Variants in SUMF2 observed in about 807,000 individuals in gnomAD.
SUMF2 encodes the protein sulfatase modifying factor 2, also known as inactive C-alpha-formylglycine-generating enzyme 2.
A neutral mutation model predicts 44.8 loss-of-function variants in SUMF2; 45 were observed. The ratio of observed to expected loss-of-function variants is 1.00; its 90% CI spans 0.79 to 1.29. SUMF2 has a LOEUF of 1.29. SUMF2 is among the 50% of genes most tolerant of loss of function. The pLI, the probability that SUMF2 is intolerant of heterozygous loss-of-function variation, is 0.00. For missense variants in SUMF2, 418 were observed against 389.9 expected (o/e 1.07, Z -0.61); for synonymous variants, 148 against 150.4 (o/e 0.98, Z 0.12).
chr7:56,084,691 C>T (rs1005339147), downstream of SUMF2, among the ~76,000 whole-genome samples: 1 of 151,904 alleles, frequency 6.6e-6, no homozygotes, highest in African/African-American at 2.4e-5. Flanking sequence ...CGATTTTTTC[C>T]CAGGAAACAA....
chr7:56,080,980 TC>T, downstream of SUMF2: 1 of 1,561,232 alleles, frequency 6.4e-7, no homozygotes, highest in Non-Finnish European at 8.7e-7. Context: ...TGCACGCATC[TC>T]ACCCCTTTGA....
At chr7:56,082,136 G>A, downstream of SUMF2, 2 of 1,612,846 alleles carry the variant, frequency 1.2e-6, no homozygotes, top group Non-Finnish European at 1.7e-6. Context: ...GCCTAGCTGG[G>A]TGCTCCTCCT....
chr7:56,074,177 G>T lies in SUMF2; in HGVS notation c.343G>T (p.Val115Leu). 1 of 1,614,000 alleles carries T rather than the reference G, an allele frequency of 6.2e-7. No individual in the cohort carries two copies. Among genetic ancestry groups the T allele is most frequent in the East Asian group, 2.2e-5 (1 of 44,868 alleles). Residue 115 changes from valine (V) to leucine (L), a missense_variant, in exon 4 of 9, where the codon GTA becomes TTA. Physicochemically the swap from Val to Leu is conservative, Grantham distance 32. Transcript: ENST00000434526. ...RNKATQPMKS[V>L]LWWLPVEKAF... ...TCGGTCTCCTTCTTTTTCGCAGTCTGTACTCTGGTGGCTTCCAGTGGAAAA... is the reference window on the plus strand; with the variant it reads ...TCGGTCTCCTTCTTTTTCGCAGTCTTTACTCTGGTGGCTTCCAGTGGAAAA...
chr7:56,079,087 T>G, intron 8 of SUMF2: 1 of 527,738 alleles, frequency 1.9e-6, no homozygotes, highest in Admixed American at 3.1e-5. Flanking sequence ...CTGCCTAGGT[T>G]TGTCTCATAC....
the SUMF2 span, chr7:56,087,677 C>A: frequency 1.2e-6 from 2 of 1,613,998 alleles, no homozygotes; most frequent in Non-Finnish European, 1.7e-6. Flanking sequence ...GCACCTCCTC[C>A]GGGCTGAAGC....
intron 2 of SUMF2, 118 bp from the exon 3 acceptor site, chr7:56,072,879 T>C (rs1795270485): frequency 5.9e-6 from 4 of 679,778 alleles, no homozygotes; most frequent in Non-Finnish European, 1.0e-5. Context: ...TTGGCAATCA[T>C]GAACACTCTG....
At chr7:56,072,963 C>CACCAGCTGA in intron 2 of SUMF2, 34 bp from the exon 3 acceptor site, 2 of 1,550,640 alleles carry the variant, frequency 1.3e-6, no homozygotes, top group Non-Finnish European at 1.8e-6. Flanking sequence ...CACAGAACCT[C>CACCAGCTGA]ACCAGCTGAA....
downstream of SUMF2, chr7:56,083,812 A>C: frequency 1.2e-6 from 1 of 824,388 alleles, no homozygotes; most frequent in South Asian, 1.4e-5. Context: ...ATACCTCTAG[A>C]AGCTAAGTGG....
intron 2 of SUMF2, among the ~76,000 whole-genome samples, chr7:56,070,545 AC>A (rs1165270508): frequency 6.6e-6 from 1 of 151,860 alleles, no homozygotes; most frequent in Non-Finnish European, 1.5e-5. Context: ...CAGGAGGATC[AC>A]TTGAGTGTGG....
intron 1 of SUMF2, 102 bp downstream of exon 1, chr7:56,064,480 C>G: frequency 1.4e-6 from 2 of 1,444,054 alleles, no homozygotes; most frequent in South Asian, 1.4e-5. Flanking sequence ...TTCCGGGATG[C>G]GGCTGCAGCG....
At chr7:56,085,804 A>G in the SUMF2 span, among the ~76,000 whole-genome samples, 2 of 152,014 alleles carry the variant, frequency 1.3e-5, no homozygotes, top group South Asian at 4.1e-4. Context: ...GTCTCTACTA[A>G]AACAGTACAC....
rs537269425 is a variant in SUMF2 at position 56,070,300 on chromosome 7, C to G, written c.224+1662C>G. Among the ~76,000 whole-genome samples, 5 of 152,132 alleles carry G rather than the reference C, an allele frequency of 3.3e-5. No homozygotes were observed. In the South Asian group the frequency reaches 1.0e-3, roughly 32 times the overall value. On this transcript the variant is annotated intron_variant, in intron 2 of 8. Transcript: ENST00000434526. ...GAGTTAATAACAATAACACCTGTTA[C>G]ATCTATCTCTGATGGTTGTTGTGAG...
At chr7:56,064,480 CGGCTGCAGCGGCA>C in intron 1 of SUMF2, 102 bp downstream of exon 1, 1 of 1,444,054 alleles carries the variant, frequency 6.9e-7, no homozygotes, top group Non-Finnish European at 9.1e-7. Context: ...TTCCGGGATG[CGGCTGCAGCGGCA>C]GGCTGGGGAG....
downstream of SUMF2, chr7:56,081,873 C>T: frequency 6.2e-7 from 1 of 1,612,818 alleles, no homozygotes; most frequent in Non-Finnish European, 8.5e-7. This position sits in a 1 kb window ranked among gnomAD's most constrained non-coding sequence, Gnocchi z 4.6. Flanking sequence ...GCCCAGGAGC[C>T]AGTTGGCCTG....
At chr7:56,079,336 T>G in intron 8 of SUMF2, 192 bp from the exon 9 acceptor site, 1 of 611,806 alleles carries the variant, frequency 1.6e-6, no homozygotes, top group South Asian at 2.1e-5. Context: ...AGCCCCTTCT[T>G]GTCCCCTTTC....
downstream of SUMF2, chr7:56,081,251 G>C: frequency 1.2e-6 from 2 of 1,613,104 alleles, no homozygotes; most frequent in South Asian, 1.1e-5. This position sits in a 1 kb window ranked among gnomAD's most constrained non-coding sequence, Gnocchi z 4.6. Context: ...TTCACCCGGC[G>C]GTACTGGTAG....
chr7:56,075,770 A>G (rs1191170188), intron 5 of SUMF2, among the ~76,000 whole-genome samples: 1 of 152,098 alleles, frequency 6.6e-6, no homozygotes, highest in Non-Finnish European at 1.5e-5. Flanking sequence ...TAATTACACA[A>G]AAAGTTAGGA....
the SUMF2 span, chr7:56,087,891 A>C: frequency 1.3e-6 from 1 of 778,730 alleles, no homozygotes; most frequent in Non-Finnish European, 2.1e-6. Flanking sequence ...CTTTCCCCCA[A>C]CTTCCTCTGA....
downstream of SUMF2, among the ~76,000 whole-genome samples, chr7:56,084,588 G>T (rs181433547): frequency 1.6e-3 from 237 of 152,112 alleles, no homozygotes; most frequent in African/African-American, 5.6e-3. Flanking sequence ...TGCCCAGGCT[G>T]GTCTTCAACT....
Sources: gnomAD v4.1 joint callset for allele counts (sites outside exome capture counted in the v4.1 genomes callset) on GRCh38, gnomAD v4.1.1 for gene constraint, Gnocchi (gnomAD v3.1) non-coding constraint, MANE v1.5 for transcripts, NCBI Gene and HGNC (gene_info 2026-07-23, HGNC 2026-07-21) for gene names.